Variants in ULK4 observed in about 807,000 individuals in gnomAD.
The protein encoded by ULK4 is inactive serine/threonine-protein kinase ULK4.
In ULK4, 133 loss-of-function variants were observed where a neutral mutation model predicts 160.6. The ratio of observed to expected loss-of-function variants is 0.83; its 90% CI spans 0.72 to 0.96. ULK4 has a LOEUF of 0.96. Ranked by LOEUF, ULK4 falls within the 40% of genes least tolerant of loss-of-function variation. The probability of loss-of-function intolerance (pLI) is 0.00; values close to 1 mark genes in which losing one functional copy is unlikely to be tolerated. For synonymous variants in ULK4, 534 were observed against 539.8 expected (o/e 0.99, Z 0.15); for missense variants, 1,580 against 1,499.5 (o/e 1.05, Z -0.89).
chr3:41,570,205 GTTGT>G (rs1328088932), intron 31 of ULK4, among the ~76,000 whole-genome samples: 1 of 152,188 alleles, frequency 6.6e-6, no homozygotes, highest in African/African-American at 2.4e-5. Context: ...CATGTATGCC[GTTGT>G]TTAACACAAG....
intron 31 of ULK4, among the ~76,000 whole-genome samples, chr3:41,568,771 G>A (rs943212748): frequency 1.3e-5 from 2 of 152,160 alleles, no homozygotes; most frequent in South Asian, 2.1e-4. Flanking sequence ...GACACAAGCT[G>A]AGCGTTCTCT....
rs1479904562 is a variant in ULK4, at chr3:41,721,252, T to A, written c.2322-3391A>T. 9.8e-5 allele frequency among the ~76,000 whole-genome samples: 11 copies of A among 111,876 alleles called. No individual in the cohort carries two copies. The East Asian group carries it at 2.8e-3, about 28-fold the overall frequency. 73.4% of individuals were successfully genotyped at this position (111,876 alleles called of 152,430 possible). Reference sequence around the variant, plus strand: ...GAAGCAGATGAGAAATTTTTCGCTTTGAATTTTTTTTTTTTTTTTTTTTTT... The same window carrying A: ...GAAGCAGATGAGAAATTTTTCGCTTAGAATTTTTTTTTTTTTTTTTTTTTT... On this transcript the variant is annotated intron_variant, in intron 22 of 36. Transcript: ENST00000301831.
At chr3:41,323,643 T>A (rs748963608) in intron 35 of ULK4, among the ~76,000 whole-genome samples, 1 of 152,020 alleles carries the variant, frequency 6.6e-6, no homozygotes, top group Non-Finnish European at 1.5e-5. Flanking sequence ...CCCACACCCA[T>A]GCACATAGCT....
At chr3:41,781,057 A>G (rs967124213) in intron 21 of ULK4, among the ~76,000 whole-genome samples, 1 of 152,164 alleles carries the variant, frequency 6.6e-6, no homozygotes, top group African/African-American at 2.4e-5. Flanking sequence ...ATATATTTAT[A>G]CAAATACATA....
chr3:41,914,969 A>T (rs1364545298), intron 8 of ULK4: 1 of 152,282 alleles, frequency 6.6e-6, no homozygotes, highest in East Asian at 1.9e-4. Context: ...AGATTGTGCC[A>T]CTGCACTCCA....
intron 32 of ULK4, among the ~76,000 whole-genome samples, chr3:41,558,388 T>C (rs549575418): frequency 3.3e-5 from 5 of 152,180 alleles, no homozygotes; most frequent in African/African-American, 9.6e-5. Context: ...ATTACCAGCA[T>C]TGAAATATAA....
chr3:41,822,999 G>C (rs553393262), intron 18 of ULK4, among the ~76,000 whole-genome samples: 185 of 151,234 alleles, frequency 1.2e-3, no homozygotes, highest in Non-Finnish European at 2.1e-3. Context: ...TGGGATTATA[G>C]GCATGAGCCA....
intron 8 of ULK4, among the ~76,000 whole-genome samples, chr3:41,915,058 T>C (rs1024935934): frequency 6.6e-6 from 1 of 152,190 alleles, no homozygotes; most frequent in Non-Finnish European, 1.5e-5. Context: ...AAGTAGGTTA[T>C]GGAGTGGTCC....
chr3:41,370,036 A>T (rs1384069095), intron 35 of ULK4, among the ~76,000 whole-genome samples: 1 of 152,168 alleles, frequency 6.6e-6, no homozygotes, highest in Non-Finnish European at 1.5e-5. Flanking sequence ...AAATGTAATG[A>T]CTTCCAGGTT....
chr3:41,865,021 C>T (rs942858187), intron 17 of ULK4, among the ~76,000 whole-genome samples: 2 of 152,098 alleles, frequency 1.3e-5, no homozygotes, highest in East Asian at 3.9e-4. Context: ...CCTGTAATCC[C>T]AGGACTTTGG....
intron 29 of ULK4, among the ~76,000 whole-genome samples, chr3:41,668,379 T>C (rs2035420174): frequency 1.3e-5 from 2 of 152,232 alleles, no homozygotes; most frequent in Admixed American, 1.3e-4. Context: ...AGATGGCATA[T>C]ACAATAGTGA....
At chr3:41,727,920 T>G (rs187925780) in intron 22 of ULK4, among the ~76,000 whole-genome samples, 2 of 152,304 alleles carry the variant, frequency 1.3e-5, no homozygotes, top group East Asian at 3.9e-4. Flanking sequence ...TACAAATAAT[T>G]AGATTTGCTG....
intron 32 of ULK4, among the ~76,000 whole-genome samples, chr3:41,528,068 G>A (rs76628725): frequency 6.6e-6 from 1 of 152,136 alleles, no homozygotes; most frequent in East Asian, 1.9e-4. Flanking sequence ...ATTTGAGTAT[G>A]TATGAGATTC....
At chr3:41,934,344 T>C (rs1699692574) in intron 4 of ULK4, among the ~76,000 whole-genome samples, 1 of 152,236 alleles carries the variant, frequency 6.6e-6, no homozygotes, top group African/African-American at 2.4e-5. Context: ...TTTTTAGGTT[T>C]AATTATATTC....
chr3:41,505,399 A>C (rs2085342220), intron 32 of ULK4, among the ~76,000 whole-genome samples: 1 of 152,178 alleles, frequency 6.6e-6, no homozygotes, highest in African/African-American at 2.4e-5. Flanking sequence ...ATACTGTATT[A>C]ACAGTGGTCG....
chr3:41,423,705 C>T (rs1201518159), intron 34 of ULK4, among the ~76,000 whole-genome samples: 18 of 152,148 alleles, frequency 1.2e-4, no homozygotes, highest in African/African-American at 2.6e-4. Flanking sequence ...GGACTGACTA[C>T]GCGGTTGTCT....
intron 35 of ULK4, among the ~76,000 whole-genome samples, chr3:41,388,743 T>G (rs2081883127): frequency 2.6e-5 from 4 of 152,156 alleles, no homozygotes; most frequent in Admixed American, 6.5e-5. Flanking sequence ...TATCTCTGTT[T>G]TGGTACCAGT....
chr3:41,398,553 AT>A (rs11321558), intron 34 of ULK4, among the ~76,000 whole-genome samples: 76,835 of 130,412 alleles, frequency 0.59, 22,712 homozygotes, highest in East Asian at 0.86. Flanking sequence ...TGCCCAGCTA[AT>A]TTTTTTTTTT....
chr3:41,446,783 T>C (rs1163360376), intron 34 of ULK4, among the ~76,000 whole-genome samples: 1 of 151,070 alleles, frequency 6.6e-6, no homozygotes, highest in Non-Finnish European at 1.5e-5. Context: ...TGTTAAATGA[T>C]GAGTTAATGG....
Sources: gnomAD v4.1 joint callset for allele counts (sites outside exome capture counted in the v4.1 genomes callset) on GRCh38, gnomAD v4.1.1 for gene constraint, MANE v1.5 for transcripts, NCBI Gene and HGNC (gene_info 2026-07-23, HGNC 2026-07-21) for gene names.